Variants in ACAD10 observed in about 807,000 individuals in gnomAD.
ACAD10 encodes the protein ACAD-10.
ACAD10 carries 112 observed loss-of-function variants against 116.8 expected under a neutral mutation model. That is an observed-to-expected ratio of 0.96 (90% CI 0.82 to 1.12). The LOEUF (loss-of-function observed/expected upper bound fraction) is 1.12. Ranked by LOEUF, ACAD10 falls within the 50% of genes most tolerant of loss-of-function variation. ACAD10 has a pLI of 0.00. For synonymous variants in ACAD10, 486 were observed against 510.6 expected (o/e 0.95, Z 0.65); for missense variants, 1,259 against 1,350.2 (o/e 0.93, Z 1.06).
intron 5 of ACAD10, among the ~76,000 whole-genome samples, chr12:111,711,493 G>A (rs911492259): frequency 1.3e-5 from 2 of 151,430 alleles, no homozygotes; most frequent in African/African-American, 4.9e-5. Flanking sequence ...ACAGGCGTGA[G>A]CCACCACACC....
chr12:111,698,696 C>G (rs762491552), intron 2 of ACAD10, among the ~76,000 whole-genome samples: 2 of 151,722 alleles, frequency 1.3e-5, no homozygotes, highest in Non-Finnish European at 2.9e-5. Context: ...AGGCTGCTCT[C>G]GAACTCCCTA....
At position 111,755,981 on chromosome 12, in the gene ACAD10, G is replaced by A. The variant is rs2068080777; in HGVS notation, c.3039+236G>A. 4 of 708,166 alleles carry A rather than the reference G, an allele frequency of 5.6e-6. No individual in the cohort carries two copies. The South Asian group carries it at 7.5e-5, about 13-fold the overall frequency. 43.9% of individuals were successfully genotyped at this position (708,166 alleles called of 1,614,324 possible). On this transcript the variant is annotated intron_variant, in intron 20 of 20. Transcript: ENST00000313698. ...CAGAAAAGTGAAGTGACTTGTCCAG[G>A]TCACTGAGCTTGCAAGTAGCTGACC...
intron 2 of ACAD10, 105 bp from the exon 3 acceptor site, chr12:111,702,057 G>A: frequency 8.1e-7 from 1 of 1,228,972 alleles, no homozygotes; most frequent in Admixed American, 2.3e-5. Context: ...CATCCACCCT[G>A]GCAGTACAGC....
chr12:111,753,135 C>T (rs1175942996), intron 18 of ACAD10: 1 of 206,322 alleles, frequency 4.8e-6, no homozygotes, highest in Non-Finnish European at 1.0e-5. Context: ...CAAAGTGAGA[C>T]CCCGTCTCCA....
intron 3 of ACAD10, among the ~76,000 whole-genome samples, chr12:111,702,958 G>T (rs1888392558): frequency 6.6e-6 from 1 of 151,958 alleles, no homozygotes; most frequent in African/African-American, 2.4e-5. Flanking sequence ...AGCCAGGCAT[G>T]GTGGTGCACA....
chr12:111,707,819 T>G (rs1024851931), intron 4 of ACAD10, among the ~76,000 whole-genome samples: 1 of 152,196 alleles, frequency 6.6e-6, no homozygotes, highest in Non-Finnish European at 1.5e-5. Flanking sequence ...GATTTTCAAC[T>G]CTGCCTACAC....
chr12:111,711,801 C>T (rs866474638), intron 5 of ACAD10, among the ~76,000 whole-genome samples: 9 of 152,260 alleles, frequency 5.9e-5, no homozygotes, highest in South Asian at 4.1e-4. Flanking sequence ...CGTGAGCCAC[C>T]GCGCCCAGCT....
intron 7 of ACAD10, among the ~76,000 whole-genome samples, chr12:111,719,054 G>C (rs1888934403): frequency 6.6e-6 from 1 of 151,936 alleles, no homozygotes; most frequent in African/African-American, 2.4e-5. Flanking sequence ...GCAGTGAGCG[G>C]AGATTGCAGT....
chr12:111,705,171 T>G (rs1888462132), intron 3 of ACAD10, among the ~76,000 whole-genome samples: 1 of 152,140 alleles, frequency 6.6e-6, no homozygotes, highest in Non-Finnish European at 1.5e-5. Context: ...TCTTATGATA[T>G]GCTGTTTTTT....
intron 8 of ACAD10, 97 bp from the exon 9 acceptor site, chr12:111,727,865 C>G: frequency 7.8e-7 from 1 of 1,283,144 alleles, no homozygotes; most frequent in Non-Finnish European, 1.1e-6. Context: ...AGCTCTCAAC[C>G]TGTATACCCA....
Position 111,702,321 on chromosome 12 carries a change from AAC to A in ACAD10, c.336+13_336+14del, listed in dbSNP as rs746974816. ...CTTTGCTCTGAAATGGTGAGTGGTA[AAC>A]ATACCTACATTTCCATATTTTTCTT... On this transcript the variant is annotated intron_variant, in intron 3 of 20. Coordinates refer to ENST00000313698, the MANE Select transcript of ACAD10 (RefSeq NM_025247.6). The A allele has an allele frequency of 6.2e-7, 1 of 1,611,912 alleles. No individual in the cohort carries two copies. The highest frequency in any genetic ancestry group is 1.1e-5 in the South Asian group (1 of 90,616).
At chr12:111,713,860 C>T (rs1200314166) in intron 6 of ACAD10, among the ~76,000 whole-genome samples, 1 of 151,548 alleles carries the variant, frequency 6.6e-6, no homozygotes, top group Non-Finnish European at 1.5e-5. Flanking sequence ...TTGCTTGAAC[C>T]TGGGAGACTG....
intron 2 of ACAD10, among the ~76,000 whole-genome samples, chr12:111,696,717 G>A (rs993880259): frequency 1.3e-5 from 2 of 152,090 alleles, no homozygotes; most frequent in African/African-American, 4.8e-5. Flanking sequence ...AAACATTTTA[G>A]TTTTTTTATT....
chr12:111,737,887 C>CT (rs1889618251), intron 12 of ACAD10, among the ~76,000 whole-genome samples: 1 of 151,864 alleles, frequency 6.6e-6, no homozygotes, highest in African/African-American at 2.4e-5. Context: ...GTTTCTCACT[C>CT]TGTCGCCCAG....
Position 111,757,021 on chromosome 12 carries a change from G to A in ACAD10, c.*548G>A, listed in dbSNP as rs1443392308. The A allele has an allele frequency of 2.6e-6, 1 of 378,266 alleles. No individual in the cohort carries two copies. The highest frequency in any genetic ancestry group is 1.9e-5 in the South Asian group (1 of 52,110). 23.4% of individuals were successfully genotyped at this position (378,266 alleles called of 1,614,324 possible). ...CTGATTATCTCCATTTGAACACACA[G>A]CACAGAACAATCATTTAAATGTTAT... On this transcript the variant is annotated 3_prime_UTR_variant, in exon 21 of 21. Transcript: ENST00000313698.
At chr12:111,726,590 A>C (rs61675993) in intron 8 of ACAD10, among the ~76,000 whole-genome samples, 2,375 of 152,292 alleles carry the variant, frequency 0.016, 71 homozygotes, top group African/African-American at 0.054. Context: ...GGCTGGGTGC[A>C]GTGGCTCACG....
intron 2 of ACAD10, 147 bp downstream of exon 2, chr12:111,693,043 TA>T: frequency 3.7e-6 from 3 of 816,658 alleles, no homozygotes; most frequent in Non-Finnish European, 5.7e-6. Context: ...CAAGCACCAC[TA>T]GGGGGCTGAG....
intron 18 of ACAD10, 95 bp from the exon 19 acceptor site, chr12:111,753,677 C>T: frequency 1.3e-6 from 2 of 1,552,936 alleles, no homozygotes; most frequent in Non-Finnish European, 1.8e-6. Context: ...CCTGTCCTGT[C>T]TGCTTCCACC....
chr12:111,733,622 C>T (rs2135978472), intron 10 of ACAD10, among the ~76,000 whole-genome samples: 1 of 152,270 alleles, frequency 6.6e-6, no homozygotes, highest in Admixed American at 6.5e-5. Flanking sequence ...AAAACCATCA[C>T]AGGGAGGGAG....
Sources: allele counts gnomAD v4.1 joint callset (sites outside exome capture counted in the v4.1 genomes callset), GRCh38; gene constraint gnomAD v4.1.1; transcripts MANE v1.5; gene names NCBI Gene and HGNC (gene_info 2026-07-23, HGNC 2026-07-21).